Variants in TMEM115 observed in about 807,000 individuals in gnomAD.
TMEM115 encodes PP6.
Under a neutral mutation model 20.1 loss-of-function variants are expected in TMEM115, and 8 were observed. The ratio of observed to expected loss-of-function variants is 0.40; its 90% confidence interval spans 0.23 to 0.72. The LOEUF is 0.72. Ranked by LOEUF, TMEM115 falls within the 30% of genes least tolerant of loss-of-function variation. The pLI is 0.39. For synonymous variants in TMEM115, 229 were observed against 206.2 expected, an observed-to-expected ratio of 1.11 and a Z score of -0.95; for missense variants, 374 against 455.1, an observed-to-expected ratio of 0.82 and a Z score of 1.62.
chr3:50,355,318 G>A lies in TMEM115; in HGVS notation c.*25C>T. ...TGTCAAGGGGGGCTTGGGAGGGGAG[G>A]TGCCACACTCAAGGTGGTCTGGAGT... is the stretch of plus-strand genomic sequence containing the variant. On this transcript the variant is annotated 3_prime_UTR_variant, in exon 2 of 2. Transcript: ENST00000266025. 1.4e-6 allele frequency: 2 copies of A among 1,456,532 alleles called. No individual in the cohort carries two copies. The highest frequency in any genetic ancestry group is 1.8e-6 in the Non-Finnish European group (2 of 1,095,888). The allele number at this position is 1,456,532 out of a possible 1,614,324, so 90.2% of individuals were successfully genotyped here.
rs1703917596 is a variant in TMEM115, at chr3:50,358,820, C to T, written c.244G>A (p.Val82Met). 1 of 1,613,330 alleles carries T rather than the reference C, an allele frequency of 6.2e-7. No homozygotes were observed. The highest frequency in any genetic ancestry group is 1.1e-5 in the South Asian group (1 of 91,092). ...TCCAGCAAACGCCCGGCCACCACCA[C>T]CGTTGTCAGGCTGATGGCCACGTCC... ...VWDVAISLTT[V>M]VVAGRLLEPL... The change falls in exon 1 of 2, where the codon GTG becomes ATG. Residue 82 changes from valine (V) to methionine (M), a missense_variant. Transcript: ENST00000266025.
At chr3:50,358,145 C>A in intron 1 of TMEM115, 68 bp downstream of exon 1, 2 of 1,574,514 alleles carry the variant, frequency 1.3e-6, no homozygotes, top group South Asian at 2.4e-5. Context: ...GCGAACACCT[C>A]AACAGATGGC....
In TMEM115 at chr3:50,359,203, G is replaced by A; in HGVS notation, c.-140C>T. On this transcript the variant is annotated 5_prime_UTR_variant, in exon 1 of 2. Coordinates refer to ENST00000266025, the MANE Select transcript of TMEM115 (RefSeq NM_007024.5). ...TGGCCCTGGTAAAGGATCCGCTTCC[G>A]ATCGGGTGGGGCTCTGGTCCCGAGG... 2 of 1,321,406 alleles carry A rather than the reference G, an allele frequency of 1.5e-6. No individual in the cohort carries two copies. The highest frequency in any genetic ancestry group is 1.0e-6 in the Non-Finnish European group (1 of 996,080). The allele number at this position is 1,321,406 out of a possible 1,614,324, so 81.9% of individuals were successfully genotyped here. A position where few individuals can be genotyped will look rare whatever the true frequency, so the allele number is the denominator to read the frequency against.
chr3:50,357,952 C>T (rs912662277), intron 1 of TMEM115, among the ~76,000 whole-genome samples: 8 of 152,234 alleles, frequency 5.3e-5, no homozygotes, highest in Non-Finnish European at 1.2e-4. Context: ...CTGTGTCCCT[C>T]CACTGGGACT....
chr3:50,359,156 GC>G lies in TMEM115; in HGVS notation c.-94del. The G allele has an allele frequency of 6.9e-7, 1 of 1,448,856 alleles. No homozygotes were observed. Among genetic ancestry groups the G allele is most frequent in the Non-Finnish European group, 9.1e-7 (1 of 1,102,276 alleles). 89.8% of individuals were successfully genotyped at this position (1,448,856 alleles called of 1,614,324 possible). A position where few individuals can be genotyped will look rare whatever the true frequency, so the allele number is the denominator to read the frequency against. On this transcript the variant is annotated 5_prime_UTR_variant, in exon 1 of 2. Coordinates refer to ENST00000266025, the MANE Select transcript of TMEM115 (RefSeq NM_007024.5). ...AGTCCGGCCCCGATGGGAGGCCCAG[GC>G]CCGGCCTAGTCACTGGCCTATGGCC...
At chr3:50,358,192 T>G (rs1703905978) in intron 1 of TMEM115, 21 bp downstream of exon 1, 1 of 1,608,724 alleles carries the variant, frequency 6.2e-7, no homozygotes, top group East Asian at 2.2e-5. Context: ...CTTGACAAGA[T>G]TTTGGAAAAT....
chr3:50,355,162 T>A lies in TMEM115; in HGVS notation c.*181A>T, dbSNP rs1034037883. ...GGCTCCGGGCCTGGCATAGTGGTTG[T>A]CTGGAGTTGGAACCAGGTAGCAAGA... On this transcript the variant is annotated 3_prime_UTR_variant, in exon 2 of 2. Transcript: ENST00000266025. 2.2e-6 allele frequency: 1 copy of A among 448,502 alleles called. No homozygotes were observed. The highest frequency in any genetic ancestry group is 6.5e-5 in the South Asian group (1 of 15,354). 27.8% of individuals were successfully genotyped at this position (448,502 alleles called of 1,614,324 possible).
At position 50,358,426 on chromosome 3, in the gene TMEM115, C is replaced by T. The variant is rs1360898924; in HGVS notation, c.638G>A (p.Arg213Gln). ...VYLRFYQRHS[R>Q]GRGDMADHFA... is the part of the protein sequence containing the mutation. ...GTGGTCAGCCATGTCCCCTCGGCCCCGGCTATGGCGCTGGTAGAAGCGAAG... is the reference window on the plus strand; with the variant it reads ...GTGGTCAGCCATGTCCCCTCGGCCCTGGCTATGGCGCTGGTAGAAGCGAAG... Residue 213 changes from arginine to glutamine, a missense_variant, in exon 1 of 2, where the codon CGG (arginine) becomes CAG (glutamine). By Grantham distance (43) the Arg-to-Gln change is conservative (BLOSUM62 1). Coordinates refer to ENST00000266025, the MANE Select transcript of TMEM115 (RefSeq NM_007024.5). The T allele has an allele frequency of 6.2e-7, 1 of 1,613,844 alleles. No homozygotes were observed. Among genetic ancestry groups the T allele is most frequent in the South Asian group, 1.1e-5 (1 of 91,086 alleles).
rs779682408 is a variant in TMEM115, at chr3:50,358,511, G to T, written c.553C>A (p.Leu185Met). Reference protein sequence around the residue: ...ALLLLLRLATLLQSPALASYG... With the variant: ...ALLLLLRLATMLQSPALASYG... ...GAAGCCAGCGCCGGGCTCTGGAGCA[G>T]CGTGGCGAGCCGCAGCAGGAGCAGC... Residue 185 changes from leucine to methionine, a missense_variant, in exon 1 of 2, where the codon CTG (leucine) becomes ATG (methionine). Coordinates refer to ENST00000266025, the MANE Select transcript of TMEM115 (RefSeq NM_007024.5). The T allele has an allele frequency of 8.1e-6, 13 of 1,610,626 alleles. No homozygotes were observed. In the East Asian group the frequency reaches 2.7e-4, roughly 33 times the overall value.
chr3:50,358,705 G>A lies in TMEM115; in HGVS notation c.359C>T (p.Thr120Ile), dbSNP rs1339830696. The A allele has an allele frequency of 1.2e-6, 2 of 1,613,584 alleles. No homozygotes were observed. The highest frequency in any genetic ancestry group is 2.2e-5 in the East Asian group (1 of 44,890). The part of the protein sequence containing the change: ...GLLGAFAYLL[T>I]YMASFNLVYL... ...GACCAGGTTGAAGGAAGCCATGTAG[G>A]TGAGGAGGTAGGCGAAGGCCCCCAG... Residue 120 changes from threonine (T) to isoleucine (I), a missense_variant, in exon 1 of 2, where the codon ACC becomes ATC. Transcript: ENST00000266025.
In TMEM115 at chr3:50,355,161, G is replaced by A; in HGVS notation, c.*182C>T. The A allele has an allele frequency of 2.2e-6, 1 of 447,708 alleles. No individual in the cohort carries two copies. Among genetic ancestry groups the A allele is most frequent in the Non-Finnish European group, 3.9e-6 (1 of 253,920 alleles). The allele number at this position is 447,708 out of a possible 1,614,324, so 27.7% of individuals were successfully genotyped here. ...AGGCTCCGGGCCTGGCATAGTGGTT[G>A]TCTGGAGTTGGAACCAGGTAGCAAG... On this transcript the variant is annotated 3_prime_UTR_variant, in exon 2 of 2. Coordinates refer to ENST00000266025, the MANE Select transcript of TMEM115 (RefSeq NM_007024.5).
Position 50,358,275 on chromosome 3 carries a change from AC to A in TMEM115, c.788del (p.Gly263ValfsTer26). On this transcript the variant is annotated frameshift_variant, in exon 1 of 2. Coordinates refer to ENST00000266025, the MANE Select transcript of TMEM115 (RefSeq NM_007024.5). LOFTEE classifies it high-confidence loss of function. ...GGCTGATGGTGATGGAGGATGGGGC[AC>A]CCACATCGTAGCGCTTCACCGTCTT... The part of the protein sequence containing the change: ...CQKTVKRYDV[G>X]APSSITISLP... 6.2e-7 allele frequency: 1 copy of A among 1,613,566 alleles called. No individual in the cohort carries two copies. The highest frequency in any genetic ancestry group is 8.5e-7 in the Non-Finnish European group (1 of 1,179,980).
Position 50,359,235 on chromosome 3 carries a change from G to T in TMEM115, c.-172C>A. 1 of 1,099,218 alleles carries T rather than the reference G, an allele frequency of 9.1e-7. No homozygotes were observed. The highest frequency in any genetic ancestry group is 1.3e-6 in the Non-Finnish European group (1 of 795,982). 68.1% of individuals were successfully genotyped at this position (1,099,218 alleles called of 1,614,324 possible). A position where few individuals can be genotyped will look rare whatever the true frequency, so the allele number is the denominator to read the frequency against. On this transcript the variant is annotated 5_prime_UTR_variant, in exon 1 of 2. Transcript: ENST00000266025. ...TGGGGCTCTGGTCCCGAGGGGCCGA[G>T]TCGGGCCTTGTTGCCGGGCCGCAGC...
chr3:50,357,664 C>G (rs1341083182), intron 1 of TMEM115, among the ~76,000 whole-genome samples: 2 of 152,178 alleles, frequency 1.3e-5, no homozygotes, highest in Non-Finnish European at 2.9e-5. Flanking sequence ...GTAGCCTGTC[C>G]CTGGTTTTGG....
Position 50,355,004 on chromosome 3 carries a change from C to T in TMEM115, c.*339G>A, listed in dbSNP as rs370771828. 2.1e-5 allele frequency: 5 copies of T among 235,202 alleles called. No individual in the cohort carries two copies. The highest frequency in any genetic ancestry group is 1.7e-4 in the East Asian group (2 of 12,076). 14.6% of individuals were successfully genotyped at this position (235,202 alleles called of 1,614,324 possible). On this transcript the variant is annotated 3_prime_UTR_variant, in exon 2 of 2. Coordinates refer to ENST00000266025, the MANE Select transcript of TMEM115 (RefSeq NM_007024.5). ...AATCCTTGCCTTGGCTCAGGGCTCTCGGCAACCAGTTTCAGATGTGAGGGC... is the reference window on the plus strand; with the variant it reads ...AATCCTTGCCTTGGCTCAGGGCTCTTGGCAACCAGTTTCAGATGTGAGGGC...
rs766971920 is a variant in TMEM115, at chr3:50,358,953, G to T, written c.111C>A (p.Ser37=). 3 of 1,611,540 alleles carry T rather than the reference G, an allele frequency of 1.9e-6. No individual in the cohort carries two copies. In the South Asian group the frequency reaches 3.3e-5, roughly 18 times the overall value. Residue 37 remains serine, a synonymous_variant, in exon 1 of 2, where the codon TCC becomes TCA. Transcript: ENST00000266025. ...CCAGGCAGCCTGTGTCCACGGCGAA[G>T]GAGAGCAGGTAGAGGAATAGTACCG... ...CAAVLFLYLL[S]FAVDTGCLAV...
Position 50,359,220 on chromosome 3 carries a change from G to T in TMEM115, c.-157C>A. 1 of 1,215,280 alleles carries T rather than the reference G, an allele frequency of 8.2e-7. No homozygotes were observed. Among genetic ancestry groups the T allele is most frequent in the South Asian group, 1.6e-5 (1 of 61,396 alleles). The allele number at this position is 1,215,280 out of a possible 1,614,324, so 75.3% of individuals were successfully genotyped here. ...CCGCTTCCGATCGGGTGGGGCTCTG[G>T]TCCCGAGGGGCCGAGTCGGGCCTTG... On this transcript the variant is annotated 5_prime_UTR_variant, in exon 1 of 2. Coordinates refer to ENST00000266025, the MANE Select transcript of TMEM115 (RefSeq NM_007024.5).
In TMEM115 at chr3:50,355,524, T is replaced by C. The variant is rs201656486; in HGVS notation, c.875A>G (p.Asn292Ser). 116 of 1,601,832 alleles carry C rather than the reference T, an allele frequency of 7.2e-5. No individual in the cohort carries two copies. The highest frequency in any genetic ancestry group is 8.9e-5 in the Non-Finnish European group (105 of 1,173,978). ...GTCTTCCACTCTCTTCAGCCGCTCATTGAGTGCCTTCAGGGCCAGTTGCCT... is the reference window on the plus strand; with the variant it reads ...GTCTTCCACTCTCTTCAGCCGCTCACTGAGTGCCTTCAGGGCCAGTTGCCT... ...RRRQLALKAL[N>S]ERLKRVEDQS... Residue 292 changes from asparagine (N) to serine (S), a missense_variant, in exon 2 of 2, where the codon AAT (asparagine) becomes AGT (serine). Transcript: ENST00000266025.
chr3:50,355,348 G>A lies in TMEM115; in HGVS notation c.1051C>T (p.Leu351=). ...ACACTCAAGGTGGTCTGGAGTTACA[G>A]CGTCGGGGGAGCTGCCTCGAAGGTG... The part of the protein sequence containing the change: ...LITFEAAPPT[L] Residue 351 remains leucine (L), a synonymous_variant, in exon 2 of 2, where the codon CTG becomes TTG. Transcript: ENST00000266025. 1 of 1,488,556 alleles carries A rather than the reference G, an allele frequency of 6.7e-7. No individual in the cohort carries two copies. Among genetic ancestry groups the A allele is most frequent in the Non-Finnish European group, 9.0e-7 (1 of 1,115,892 alleles). 92.2% of individuals were successfully genotyped at this position (1,488,556 alleles called of 1,614,324 possible).
Sources: gnomAD v4.1 joint callset for allele counts (sites outside exome capture counted in the v4.1 genomes callset) on GRCh38, gnomAD v4.1.1 for gene constraint, MANE v1.5 for transcripts, NCBI Gene and HGNC (gene_info 2026-07-23, HGNC 2026-07-21) for gene names.